Variants in USP43 observed in about 807,000 individuals in gnomAD.
USP43 encodes ubiquitin specific peptidase 43, also known as ubiquitin carboxyl-terminal hydrolase 43.
USP43 carries 33 observed loss-of-function variants against 90.7 expected under a neutral mutation model. The observed-to-expected ratio is 0.36, with a 90% CI of 0.28 to 0.49. The LOEUF is 0.49. Ranked by LOEUF, USP43 falls within the 20% of genes least tolerant of loss-of-function variation. The pLI is 0.98. For synonymous variants in USP43, 598 were observed against 615.8 expected (o/e 0.97, Z 0.43); for missense variants, 1,274 against 1,476.4 (o/e 0.86, Z 2.25).
At chr17:9,727,883 G>A (rs1917352416) in intron 14 of USP43, 71 bp from the exon 15 acceptor site, 1 of 1,510,212 alleles carries the variant, frequency 6.6e-7, no homozygotes, top group Non-Finnish European at 8.9e-7. Context: ...GAGGTGCTCA[G>A]TGAACGTTAG....
At chr17:9,672,426 G>A (rs928645910) in intron 3 of USP43, among the ~76,000 whole-genome samples, 16 of 152,136 alleles carry the variant, frequency 1.1e-4, no homozygotes, top group African/African-American at 2.7e-4. Flanking sequence ...TTAATATGTC[G>A]CAATGCTTCA....
Position 9,729,155 on chromosome 17 carries a change from A to C in USP43, c.*165A>C. On this transcript the variant is annotated 3_prime_UTR_variant, in exon 15 of 15. Coordinates refer to ENST00000285199, the MANE Select transcript of USP43 (RefSeq NM_153210.5). ...GGGGGTCTCCATATCTAGACTTCCAACACCCAAGGTCCATATAACCCAAGG... is the reference window on the plus strand; with the variant it reads ...GGGGGTCTCCATATCTAGACTTCCACCACCCAAGGTCCATATAACCCAAGG... The C allele has an allele frequency of 3.6e-6, 2 of 548,302 alleles. No homozygotes were observed. Among genetic ancestry groups the C allele is most frequent in the Non-Finnish European group, 5.8e-6 (2 of 346,524 alleles). The allele number at this position is 548,302 out of a possible 1,614,324, so 34.0% of individuals were successfully genotyped here.
intron 3 of USP43, among the ~76,000 whole-genome samples, chr17:9,667,449 C>A (rs989653007): frequency 2.0e-5 from 3 of 152,124 alleles, no homozygotes; most frequent in East Asian, 1.9e-4. Flanking sequence ...CAGCCTTTGA[C>A]TTCAGAAAGT....
chr17:9,684,763 C>CAAAAAAA (rs34404550), intron 7 of USP43, among the ~76,000 whole-genome samples: 1 of 65,798 alleles, frequency 1.5e-5, no homozygotes, highest in African/African-American at 5.3e-5. Context: ...AACTCCATCT[C>CAAAAAAA]AAAAAAAAAA....
chr17:9,724,105 C>T (rs75462328), intron 14 of USP43, among the ~76,000 whole-genome samples: 6,110 of 152,206 alleles, frequency 0.04, 223 homozygotes, highest in East Asian at 0.21. Context: ...GTTTTCTTTT[C>T]TGTCCCACCC....
At position 9,729,038 on chromosome 17, in the gene USP43, A is replaced by G; in HGVS notation, c.*48A>G. On this transcript the variant is annotated 3_prime_UTR_variant, in exon 15 of 15. Transcript: ENST00000285199. ...ACGCTGGCATTCTTGGGACTTTGCC[A>G]AGCAACTGTAGGCAGCTCATGTTGA... The G allele has an allele frequency of 6.8e-7, 1 of 1,481,184 alleles. No homozygotes were observed. The highest frequency in any genetic ancestry group is 9.0e-7 in the Non-Finnish European group (1 of 1,111,730). 91.8% of individuals were successfully genotyped at this position (1,481,184 alleles called of 1,614,324 possible). A position where few individuals can be genotyped will look rare whatever the true frequency, so the allele number is the denominator to read the frequency against.
At chr17:9,657,327 C>T (rs11657601) in intron 2 of USP43, among the ~76,000 whole-genome samples, 22,107 of 151,758 alleles carry the variant, frequency 0.15, 2,140 homozygotes, top group African/African-American at 0.29. Flanking sequence ...GCCAAGATGG[C>T]GAAACCCCAT....
chr17:9,711,949 C>G lies in USP43; in HGVS notation c.2171-19C>G, dbSNP rs1916220427. 1 of 1,577,008 alleles carries G rather than the reference C, an allele frequency of 6.3e-7. No individual in the cohort carries two copies. Among genetic ancestry groups the G allele is most frequent in the Admixed American group, 1.8e-5 (1 of 56,010 alleles). ...TGCTGGGGTTGGGCTCAGCCTCCCTCTCTGTGTTTCCTCCACAGGCTCTAC... is the reference window on the plus strand; with the variant it reads ...TGCTGGGGTTGGGCTCAGCCTCCCTGTCTGTGTTTCCTCCACAGGCTCTAC... On this transcript the variant is annotated intron_variant, in intron 13 of 14. Coordinates refer to ENST00000285199, the MANE Select transcript of USP43 (RefSeq NM_153210.5).
At chr17:9,667,364 C>A (rs1913104119) in intron 3 of USP43, among the ~76,000 whole-genome samples, 1 of 151,972 alleles carries the variant, frequency 6.6e-6, no homozygotes, top group Non-Finnish European at 1.5e-5. Context: ...TGTACTCCAG[C>A]CTGGGCAACA....
chr17:9,709,876 T>G lies in USP43; in HGVS notation c.2012-80T>G. 1 of 1,330,304 alleles carries G rather than the reference T, an allele frequency of 7.5e-7. No individual in the cohort carries two copies. The highest frequency in any genetic ancestry group is 9.7e-7 in the Non-Finnish European group (1 of 1,029,700). The allele number at this position is 1,330,304 out of a possible 1,614,324, so 82.4% of individuals were successfully genotyped here. A position where few individuals can be genotyped will look rare whatever the true frequency, so the allele number is the denominator to read the frequency against. ...CTCATTCTGGTTTAAACATACCGCT[T>G]TTTCAGCTATGCCAGTGGGAAATGT... On this transcript the variant is annotated intron_variant, in intron 12 of 14. Transcript: ENST00000285199. The surrounding 1 kb of genome is among the most constrained non-coding windows in gnomAD (Gnocchi z 5.0).
At chr17:9,682,161 A>G (rs536148159) in intron 6 of USP43, among the ~76,000 whole-genome samples, 25 of 152,338 alleles carry the variant, frequency 1.6e-4, no homozygotes, top group African/African-American at 6.0e-4. Context: ...TTTCTAAGAG[A>G]GTAGATAAAC....
In USP43 at chr17:9,693,118, T is replaced by C. The variant is rs187944901; in HGVS notation, c.1354-9T>C. 117 of 1,612,168 alleles carry C rather than the reference T, an allele frequency of 7.3e-5. No homozygotes were observed. In the African/African-American group the frequency reaches 1.3e-3, roughly 18 times the overall value. On this transcript the variant is annotated splice_polypyrimidine_tract_variant and intron_variant, in intron 8 of 14. Transcript: ENST00000285199. The stretch of plus-strand genomic sequence containing the variant: ...ACGTAATGATCCATGTCTGTTTTTG[T>C]CTTCGCAGAACCTGGGGTCTCTGTT...
In USP43 at chr17:9,645,559, G is replaced by A; in HGVS notation, c.-74G>A. Reference sequence around the variant, plus strand: ...AGCCGGCACCAGGAGCCTTAGAGAAGCTGTAGGGCCTGCTGGCCGCTCGTC... The same window carrying A: ...AGCCGGCACCAGGAGCCTTAGAGAAACTGTAGGGCCTGCTGGCCGCTCGTC... On this transcript the variant is annotated 5_prime_UTR_variant, in exon 1 of 15. Coordinates refer to ENST00000285199, the MANE Select transcript of USP43 (RefSeq NM_153210.5). The surrounding 1 kb of genome is among the most constrained non-coding windows in gnomAD (Gnocchi z 6.8). 4 of 1,155,394 alleles carry A rather than the reference G, an allele frequency of 3.5e-6. No individual in the cohort carries two copies. Among genetic ancestry groups the A allele is most frequent in the Non-Finnish European group, 4.3e-6 (4 of 938,050 alleles). 71.6% of individuals were successfully genotyped at this position (1,155,394 alleles called of 1,614,324 possible). A position where few individuals can be genotyped will look rare whatever the true frequency, so the allele number is the denominator to read the frequency against.
In USP43 at chr17:9,683,778, T is replaced by C. The variant is rs186859773; in HGVS notation, c.1241+820T>C. Among the ~76,000 whole-genome samples, 734 of 152,330 alleles carry C rather than the reference T, an allele frequency of 4.8e-3. 6 individuals carry two copies. The highest frequency in any genetic ancestry group is 8.0e-3 in the Non-Finnish European group (546 of 68,020). On this transcript the variant is annotated intron_variant, in intron 7 of 14. Coordinates refer to ENST00000285199, the MANE Select transcript of USP43 (RefSeq NM_153210.5). ...AAAAGTAAGGCTGGGCTAATTGATT[T>C]CTTTGTTGCTTTTTATTTTAAATAG...
intron 10 of USP43, among the ~76,000 whole-genome samples, chr17:9,700,851 T>C (rs903369224): frequency 6.6e-6 from 1 of 152,204 alleles, no homozygotes; most frequent in Non-Finnish European, 1.5e-5. Context: ...GATCAACTTC[T>C]AGGTGCCAGG....
chr17:9,656,679 C>T, intron 2 of USP43, 145 bp downstream of exon 2: 1 of 1,061,378 alleles, frequency 9.4e-7, no homozygotes, highest in Non-Finnish European at 1.3e-6. Context: ...CTGTTCCCTG[C>T]TTCCTTCTCT....
At chr17:9,699,653 G>A (rs1279139808) in intron 9 of USP43, among the ~76,000 whole-genome samples, 1 of 152,184 alleles carries the variant, frequency 6.6e-6, no homozygotes, top group Non-Finnish European at 1.5e-5. Flanking sequence ...GAAATGGGCT[G>A]GGCCCAAGTA....
upstream of USP43, chr17:9,645,273 A>C: frequency 6.0e-6 from 1 of 167,786 alleles, no homozygotes; most frequent in Non-Finnish European, 1.3e-5. This position sits in a 1 kb window ranked among gnomAD's most constrained non-coding sequence, Gnocchi z 6.8. Context: ...ATTTCTCCGT[A>C]ATTTCCACTG....
At chr17:9,682,778 C>T in intron 6 of USP43, 45 bp from the exon 7 acceptor site, 2 of 1,595,868 alleles carry the variant, frequency 1.3e-6, no homozygotes, top group Non-Finnish European at 1.7e-6. Context: ...CCCAGGAAAG[C>T]AGCTCCTTTA....
Sources: allele counts gnomAD v4.1 joint callset (sites outside exome capture counted in the v4.1 genomes callset), GRCh38; gene constraint gnomAD v4.1.1; non-coding constraint Gnocchi (gnomAD v3.1); transcripts MANE v1.5; gene names NCBI Gene and HGNC (gene_info 2026-07-23, HGNC 2026-07-21).